SEMA5A: variants seen among roughly 807,000 people sequenced by gnomAD.
The protein encoded by SEMA5A is semaphorin 5A, also known as semaphorin-5A.
In SEMA5A, 55 loss-of-function variants were observed where a neutral mutation model predicts 135.5. The observed-to-expected ratio is 0.41, with a 90% CI of 0.33 to 0.51. The LOEUF (loss-of-function observed/expected upper bound fraction) is 0.51. Ranked by LOEUF, SEMA5A falls within the 20% of genes least tolerant of loss-of-function variation. The pLI, the probability that SEMA5A is intolerant of heterozygous loss-of-function variation, is 0.37. For synonymous variants in SEMA5A, 580 were observed against 546.5 expected, an observed-to-expected ratio of 1.06 and a Z score of -0.85; for missense variants, 1,290 against 1,419.9, an observed-to-expected ratio of 0.91 and a Z score of 1.47.
chr5:9,269,260 GGCAGGCAGGA>G (rs751219946), intron 5 of SEMA5A, among the ~76,000 whole-genome samples: 2 of 152,146 alleles, frequency 1.3e-5, no homozygotes, highest in African/African-American at 2.4e-5. Flanking sequence ...GGCGCCAGAT[GGCAGGCAGGA>G]GATGGCCAGG....
chr5:9,385,693 C>T (rs76977509), intron 2 of SEMA5A, among the ~76,000 whole-genome samples: 1,525 of 151,464 alleles, frequency 0.01, 38 homozygotes, highest in African/African-American at 0.034. Flanking sequence ...AAGGCTGAAG[C>T]GATTGCTGCA....
In SEMA5A at chr5:9,036,468, C is replaced by A. The variant is rs1390982066; in HGVS notation, c.*6429G>T. On this transcript the variant is annotated 3_prime_UTR_variant, in exon 23 of 23. Transcript: ENST00000382496. ...TGTCTGATTTTCCTCTATCTATGGACTTGCCTGAAGAGAAACAGAAACAAA... is the reference window on the plus strand; with the variant it reads ...TGTCTGATTTTCCTCTATCTATGGAATTGCCTGAAGAGAAACAGAAACAAA... The A allele has an allele frequency of 6.6e-6, 1 of 152,158 alleles. No individual in the cohort carries two copies. Among genetic ancestry groups the A allele is most frequent in the Non-Finnish European group, 1.5e-5 (1 of 68,022 alleles). The allele number at this position is 152,158 out of a possible 1,614,324, so 9.4% of individuals were successfully genotyped here.
intron 3 of SEMA5A, among the ~76,000 whole-genome samples, chr5:9,370,843 A>T (rs1414283057): frequency 6.6e-6 from 1 of 152,160 alleles, no homozygotes; most frequent in African/African-American, 2.4e-5. Context: ...CTGCCTAATT[A>T]AAACTTTACT....
In SEMA5A at chr5:9,235,715, T is replaced by G. The variant is rs1487964746; in HGVS notation, c.333+2113A>C. Among the ~76,000 whole-genome samples, 26 of 150,098 alleles carry G rather than the reference T, an allele frequency of 1.7e-4. 1 individual carries two copies. In the Admixed American group the frequency reaches 1.8e-3, roughly 10 times the overall value. ...TGCTGCTAGGTTGCTCAAATCTGAA[T>G]AGTGCTTATTGATGTGTCCATGAGA... On this transcript the variant is annotated intron_variant, in intron 6 of 22. Coordinates refer to ENST00000382496, the MANE Select transcript of SEMA5A (RefSeq NM_003966.3).
intron 6 of SEMA5A, among the ~76,000 whole-genome samples, chr5:9,227,749 A>T (rs183568719): frequency 8.5e-5 from 13 of 152,168 alleles, no homozygotes; most frequent in African/African-American, 2.9e-4. Context: ...ACAGGGTTTC[A>T]CCATGTTAGT....
At chr5:9,477,480 C>T (rs2126769573) in intron 1 of SEMA5A, among the ~76,000 whole-genome samples, 1 of 152,268 alleles carries the variant, frequency 6.6e-6, no homozygotes, top group Middle Eastern at 3.4e-3. Context: ...GACCAAAATG[C>T]TGATAGTGAT....
intron 1 of SEMA5A, among the ~76,000 whole-genome samples, chr5:9,458,842 G>T (rs989858376): frequency 2.0e-5 from 3 of 152,192 alleles, no homozygotes; most frequent in Non-Finnish European, 2.9e-5. Context: ...TAGGCAGGGA[G>T]TCCCAACGAT....
chr5:9,500,734 G>T (rs891615157), intron 1 of SEMA5A, among the ~76,000 whole-genome samples: 1 of 152,136 alleles, frequency 6.6e-6, no homozygotes, highest in African/African-American at 2.4e-5. Flanking sequence ...GCTAATTCTG[G>T]CAACCCCACA....
chr5:9,117,405 C>A (rs1740576627), intron 15 of SEMA5A, among the ~76,000 whole-genome samples: 1 of 151,988 alleles, frequency 6.6e-6, no homozygotes, highest in Admixed American at 6.6e-5. Flanking sequence ...ATGTTCAGGA[C>A]CATTAGTGTT....
At chr5:9,134,610 G>T (rs1405512386) in intron 13 of SEMA5A, among the ~76,000 whole-genome samples, 1 of 152,212 alleles carries the variant, frequency 6.6e-6, no homozygotes, top group Non-Finnish European at 1.5e-5. Flanking sequence ...GCTGCCTGCT[G>T]GGAAGCTCCC....
At chr5:9,091,499 A>T (rs1158778220) in intron 16 of SEMA5A, among the ~76,000 whole-genome samples, 1 of 152,184 alleles carries the variant, frequency 6.6e-6, no homozygotes, top group Non-Finnish European at 1.5e-5. Context: ...TCTCTTCAGG[A>T]AGGCACACAC....
intron 2 of SEMA5A, among the ~76,000 whole-genome samples, chr5:9,386,257 G>A (rs1755882981): frequency 6.6e-6 from 1 of 152,080 alleles, no homozygotes; most frequent in Non-Finnish European, 1.5e-5. Flanking sequence ...AACCAACCCC[G>A]AAGCCATGCC....
intron 2 of SEMA5A, among the ~76,000 whole-genome samples, chr5:9,400,500 C>CTT (rs1176889691): frequency 0.037 from 3,106 of 84,926 alleles, 252 homozygotes; most frequent in African/African-American, 0.061. Context: ...ACACAATGTA[C>CTT]ATTTTTTTTT....
At chr5:9,544,498 A>G (rs1738265329) in intron 1 of SEMA5A, among the ~76,000 whole-genome samples, 1 of 151,998 alleles carries the variant, frequency 6.6e-6, no homozygotes, top group South Asian at 2.1e-4. Flanking sequence ...TATAGCCACC[A>G]GATCAGCTCC....
intron 7 of SEMA5A, among the ~76,000 whole-genome samples, chr5:9,226,247 G>T (rs940718198): frequency 6.6e-6 from 1 of 152,174 alleles, no homozygotes; most frequent in Admixed American, 6.5e-5. Flanking sequence ...TATTCCCAGA[G>T]GAAGGTTGCA....
intron 2 of SEMA5A, among the ~76,000 whole-genome samples, chr5:9,426,178 C>A (rs914610569): frequency 1.3e-5 from 2 of 152,098 alleles, no homozygotes; most frequent in African/African-American, 4.8e-5. Flanking sequence ...TGGCTCACAC[C>A]TGTAATCCCA....
chr5:9,113,256 G>A (rs980536294), intron 15 of SEMA5A, among the ~76,000 whole-genome samples: 1 of 152,194 alleles, frequency 6.6e-6, no homozygotes, highest in Non-Finnish European at 1.5e-5. Context: ...CAGTGCTACT[G>A]TAAGAGGTTG....
chr5:9,273,652 C>T (rs143713908), intron 5 of SEMA5A, among the ~76,000 whole-genome samples: 1,554 of 152,222 alleles, frequency 0.01, 28 homozygotes, highest in African/African-American at 0.036. Context: ...GCAGCAGAAA[C>T]TCTACAAGCC....
chr5:9,067,915 A>G (rs1737564364), intron 16 of SEMA5A, among the ~76,000 whole-genome samples: 1 of 152,012 alleles, frequency 6.6e-6, no homozygotes, highest in South Asian at 2.1e-4. Flanking sequence ...GATGATTGAA[A>G]TATTCATCTT....
Sources: allele counts gnomAD v4.1 joint callset (sites outside exome capture counted in the v4.1 genomes callset), GRCh38; gene constraint gnomAD v4.1.1; transcripts MANE v1.5; gene names NCBI Gene and HGNC (gene_info 2026-07-23, HGNC 2026-07-21).